The following RIC1 variants were observed in gnomAD, a reference collection of about 807,000 sequenced individuals.
The protein encoded by RIC1 is guanine nucleotide exchange factor subunit RIC1.
A neutral mutation model predicts 169.0 loss-of-function variants in RIC1; 88 were observed. That is an observed-to-expected ratio of 0.52 (90% CI 0.44 to 0.62). RIC1 has a LOEUF of 0.62. RIC1 is among the 20% of genes least tolerant of loss of function. RIC1 has a pLI of 0.00. For missense variants in RIC1, 1,877 were observed against 1,725.5 expected (o/e 1.09, Z -1.56); for synonymous variants, 790 against 601.5 (o/e 1.31, Z -4.59).
At chr9:5,703,244 C>T (rs148485297) in intron 3 of RIC1, among the ~76,000 whole-genome samples, 8 of 152,278 alleles carry the variant, frequency 5.3e-5, no homozygotes, top group African/African-American at 1.9e-4. Context: ...TTAATACTCC[C>T]GTTCCGAAAG....
At chr9:5,769,577 G>T in intron 22 of RIC1, 1 of 743,688 alleles carries the variant, frequency 1.3e-6, no homozygotes, top group Non-Finnish European at 2.0e-6. Flanking sequence ...TCTGGAATCA[G>T]ATAGACATGG....
chr9:5,749,466 G>A (rs1825593294), intron 12 of RIC1, among the ~76,000 whole-genome samples: 1 of 152,136 alleles, frequency 6.6e-6, no homozygotes, highest in South Asian at 2.1e-4. Context: ...CCCCACAATA[G>A]TATCCTTTTT....
chr9:5,655,147 C>T (rs1270056927), intron 1 of RIC1, among the ~76,000 whole-genome samples: 1 of 152,136 alleles, frequency 6.6e-6, no homozygotes, highest in Non-Finnish European at 1.5e-5. Context: ...TGGAGACATC[C>T]TTCCCTTGTT....
At chr9:5,729,624 A>C (rs1824236127) in intron 6 of RIC1, among the ~76,000 whole-genome samples, 1 of 152,162 alleles carries the variant, frequency 6.6e-6, no homozygotes, top group Admixed American at 6.5e-5. Context: ...AAGAAGCTAA[A>C]TATTTATATT....
At chr9:5,687,171 T>G (rs1332076145) in intron 2 of RIC1, among the ~76,000 whole-genome samples, 2 of 152,184 alleles carry the variant, frequency 1.3e-5, no homozygotes, top group Non-Finnish European at 2.9e-5. Context: ...ACCTCTAGAA[T>G]TTGTAGTGAT....
intron 1 of RIC1, among the ~76,000 whole-genome samples, chr9:5,635,009 T>A (rs192978062): frequency 6.6e-6 from 1 of 152,330 alleles, no homozygotes; most frequent in East Asian, 1.9e-4. Context: ...ATTATTATTT[T>A]GAGACAGGGT....
chr9:5,698,177 G>A (rs991934580), intron 3 of RIC1, among the ~76,000 whole-genome samples: 1 of 152,150 alleles, frequency 6.6e-6, no homozygotes, highest in Non-Finnish European at 1.5e-5. Context: ...CAAAGAAATG[G>A]CTGTTGAATT....
At chr9:5,716,269 C>T (rs1823236537) in intron 4 of RIC1, among the ~76,000 whole-genome samples, 1 of 152,056 alleles carries the variant, frequency 6.6e-6, no homozygotes, top group South Asian at 2.1e-4. Context: ...AGTGTATTTA[C>T]CTAAATTTTT....
intron 3 of RIC1, among the ~76,000 whole-genome samples, chr9:5,694,114 G>A (rs760210088): frequency 2.0e-5 from 3 of 152,114 alleles, no homozygotes; most frequent in Non-Finnish European, 4.4e-5. Context: ...GTGCCAGCTG[G>A]AAAGGAAGAA....
intron 4 of RIC1, among the ~76,000 whole-genome samples, chr9:5,716,429 A>T (rs1823244348): frequency 6.6e-6 from 1 of 152,118 alleles, no homozygotes; most frequent in Non-Finnish European, 1.5e-5. Context: ...CCTAGCCAAC[A>T]TAGTGAAACC....
chr9:5,662,588 A>T (rs10975220), intron 2 of RIC1, among the ~76,000 whole-genome samples: 48,766 of 151,790 alleles, frequency 0.32, 8,510 homozygotes, highest in East Asian at 0.59. Context: ...TGTCCAGAAA[A>T]GTATCCATTT....
chr9:5,711,044 C>T (rs1455845437), intron 3 of RIC1, among the ~76,000 whole-genome samples: 1 of 152,110 alleles, frequency 6.6e-6, no homozygotes, highest in Non-Finnish European at 1.5e-5. Flanking sequence ...CTAAATACAT[C>T]AGTAGATTGA....
intron 7 of RIC1, among the ~76,000 whole-genome samples, chr9:5,737,599 CAT>C (rs952869167): frequency 2.9e-3 from 242 of 82,566 alleles, no homozygotes; most frequent in African/African-American, 0.012. Flanking sequence ...TACACACACA[CAT>C]GTTTTATATC....
intron 1 of RIC1, among the ~76,000 whole-genome samples, chr9:5,630,195 A>G (rs950989128): frequency 6.6e-6 from 1 of 152,240 alleles, no homozygotes; most frequent in African/African-American, 2.4e-5. Context: ...AGTCCTGGTT[A>G]TCTTTTTCTT....
At chr9:5,751,513 G>A (rs1004239060) in intron 12 of RIC1, among the ~76,000 whole-genome samples, 3 of 151,638 alleles carry the variant, frequency 2.0e-5, no homozygotes, top group Non-Finnish European at 2.9e-5. Flanking sequence ...CTGCCATCAC[G>A]CCTGGCTAAT....
At chr9:5,636,161 C>G (rs1394777042) in intron 1 of RIC1, among the ~76,000 whole-genome samples, 1 of 152,136 alleles carries the variant, frequency 6.6e-6, no homozygotes, top group Non-Finnish European at 1.5e-5. Context: ...GACATTTTAA[C>G]AATATTAATT....
chr9:5,683,811 CTGCTT>C (rs1821015249), intron 2 of RIC1, among the ~76,000 whole-genome samples: 1 of 152,230 alleles, frequency 6.6e-6, no homozygotes, highest in African/African-American at 2.4e-5. Context: ...AACTTCCCGG[CTGCTT>C]TGTTTACCTA....
rs1827528273 is a variant in RIC1, at chr9:5,775,433, T to G, written c.*1187T>G. 6.6e-6 allele frequency: 1 copy of G among 152,236 alleles called. No homozygotes were observed. The highest frequency in any genetic ancestry group is 2.4e-5 in the African/African-American group (1 of 41,462). 9.4% of individuals were successfully genotyped at this position (152,236 alleles called of 1,614,324 possible). A position where few individuals can be genotyped will look rare whatever the true frequency, so the allele number is the denominator to read the frequency against. On this transcript the variant is annotated 3_prime_UTR_variant, in exon 26 of 26. Coordinates refer to ENST00000414202, the MANE Select transcript of RIC1 (RefSeq NM_020829.4). ...CCACTGTATGTAATTCTAATTACCTTATAACAGTATTAAGACAGCTTGTTT... is the reference window on the plus strand; with the variant it reads ...CCACTGTATGTAATTCTAATTACCTGATAACAGTATTAAGACAGCTTGTTT...
chr9:5,630,598 T>A (rs1817671601), intron 1 of RIC1, among the ~76,000 whole-genome samples: 1 of 152,208 alleles, frequency 6.6e-6, no homozygotes, highest in South Asian at 2.1e-4. Flanking sequence ...CCTTTGACTG[T>A]CATAGTTGGG....
Sources: gnomAD v4.1 joint callset for allele counts (sites outside exome capture counted in the v4.1 genomes callset) on GRCh38, gnomAD v4.1.1 for gene constraint, MANE v1.5 for transcripts, NCBI Gene and HGNC (gene_info 2026-07-23, HGNC 2026-07-21) for gene names.